The following SOX6 variants were observed in gnomAD, a reference collection of about 807,000 sequenced individuals.
SOX6 encodes SRY-box transcription factor 6, also known as transcription factor SOX-6.
A neutral mutation model predicts 97.8 loss-of-function variants in SOX6; 11 were observed. That is an observed-to-expected ratio of 0.11 (90% CI 0.07 to 0.19). SOX6 has a LOEUF of 0.19. Ranked by LOEUF, SOX6 falls within the 10% of genes least tolerant of loss-of-function variation. The probability of loss-of-function intolerance (pLI) is 1.00; values close to 1 mark genes in which losing one functional copy is unlikely to be tolerated. For synonymous variants in SOX6, 360 were observed against 371.4 expected, an observed-to-expected ratio of 0.97 and a Z score of 0.35; for missense variants, 810 against 1,039.5, an observed-to-expected ratio of 0.78 and a Z score of 3.04.
intron 1 of SOX6, among the ~76,000 whole-genome samples, chr11:16,366,993 A>G (rs1857376294): frequency 6.6e-6 from 1 of 152,208 alleles, no homozygotes; most frequent in Non-Finnish European, 1.5e-5. Flanking sequence ...AATGTTTAAG[A>G]TGACTGCTCA....
intron 1 of SOX6, among the ~76,000 whole-genome samples, chr11:16,372,678 G>A (rs1857522869): frequency 1.3e-5 from 2 of 152,068 alleles, no homozygotes; most frequent in Admixed American, 6.6e-5. Context: ...GAGAGGAATT[G>A]CAGAATAATT....
At chr11:16,213,781 A>G (rs916132066) in intron 4 of SOX6, among the ~76,000 whole-genome samples, 1 of 152,244 alleles carries the variant, frequency 6.6e-6, no homozygotes, top group Non-Finnish European at 1.5e-5. Context: ...AAGTAAAAAA[A>G]AATTATGAAC....
At chr11:16,077,907 A>G (rs1286842181) in intron 9 of SOX6, among the ~76,000 whole-genome samples, 2 of 152,104 alleles carry the variant, frequency 1.3e-5, no homozygotes, top group Non-Finnish European at 2.9e-5. Context: ...AACCCTTGTG[A>G]CATGCAATCT....
chr11:16,581,529 T>C (rs1176804690), intron 4 of SOX6, among the ~76,000 whole-genome samples: 1 of 152,092 alleles, frequency 6.6e-6, no homozygotes, highest in Non-Finnish European at 1.5e-5. Flanking sequence ...GGTTGAGAGG[T>C]GCAGCAAACT....
intron 3 of SOX6, among the ~76,000 whole-genome samples, chr11:16,625,494 C>G (rs918084454): frequency 2.0e-5 from 3 of 152,120 alleles, no homozygotes; most frequent in African/African-American, 7.2e-5. Context: ...TTCCTAACAA[C>G]AGAGTTCCTA....
In SOX6 at chr11:16,496,407, G is replaced by A. The variant is rs562061784; in HGVS notation, n.610-20019C>T. 1.8e-3 allele frequency among the ~76,000 whole-genome samples: 271 copies of A among 152,270 alleles called. 6 individuals carry two copies. The highest frequency in any genetic ancestry group is 2.2e-3 in the Non-Finnish European group (151 of 68,020). ...CCAGCGTGAGAAACGCAGAAGATGGGTGATTTCTGCATTTCCAACTGAGGT... is the reference window on the plus strand; with the variant it reads ...CCAGCGTGAGAAACGCAGAAGATGGATGATTTCTGCATTTCCAACTGAGGT... On this transcript the variant is annotated intron_variant and non_coding_transcript_variant, in intron 4 of 5. Transcript: ENST00000524520.
At chr11:16,488,431 A>G (rs747127680) in intron 4 of SOX6, among the ~76,000 whole-genome samples, 21 of 152,188 alleles carry the variant, frequency 1.4e-4, no homozygotes, top group Admixed American at 3.9e-4. Context: ...GGGATTTGAT[A>G]TATGAAAATG....
At chr11:16,617,948 G>T (rs912073894) in intron 3 of SOX6, among the ~76,000 whole-genome samples, 2 of 151,692 alleles carry the variant, frequency 1.3e-5, no homozygotes, top group Non-Finnish European at 3.0e-5. Context: ...TGAGAGATAG[G>T]TGCATTTGCT....
intron 6 of SOX6, among the ~76,000 whole-genome samples, chr11:16,150,209 A>C (rs552719050): frequency 6.6e-6 from 1 of 152,334 alleles, no homozygotes; most frequent in East Asian, 1.9e-4. Context: ...CATTAATTAC[A>C]TAGGTAAAAA....
At chr11:16,239,260 T>C (rs1853112942) in intron 3 of SOX6, among the ~76,000 whole-genome samples, 1 of 152,068 alleles carries the variant, frequency 6.6e-6, no homozygotes, top group African/African-American at 2.4e-5. Context: ...GAAGTCACTA[T>C]AACGTACAAA....
intron 3 of SOX6, among the ~76,000 whole-genome samples, chr11:16,263,943 T>C (rs1590074483): frequency 6.6e-6 from 1 of 152,040 alleles, no homozygotes; most frequent in South Asian, 2.1e-4. Context: ...ATAGTCAAAA[T>C]ACTGGTCCAA....
intron 3 of SOX6, among the ~76,000 whole-genome samples, chr11:16,284,554 C>T (rs931447354): frequency 6.6e-6 from 1 of 151,914 alleles, no homozygotes; most frequent in Non-Finnish European, 1.5e-5. Context: ...ATTTATTGAT[C>T]GCCTTTTATG....
At chr11:16,196,522 CTA>C (rs1388387252) in intron 4 of SOX6, among the ~76,000 whole-genome samples, 1 of 152,206 alleles carries the variant, frequency 6.6e-6, no homozygotes, top group African/African-American at 2.4e-5. Flanking sequence ...AGGGAATTAT[CTA>C]TGACACTCTA....
chr11:16,305,749 ATT>A (rs1246410152), intron 3 of SOX6, among the ~76,000 whole-genome samples: 1 of 152,162 alleles, frequency 6.6e-6, no homozygotes, highest in South Asian at 2.1e-4. Flanking sequence ...ACTTCTTAAA[ATT>A]TTGTTTGTAT....
At chr11:16,359,189 TTGTC>T (rs1857141401), upstream of SOX6, among the ~76,000 whole-genome samples, 1 of 151,986 alleles carries the variant, frequency 6.6e-6, no homozygotes, top group South Asian at 2.1e-4. Context: ...AACGAGAAGT[TTGTC>T]TGGTGGAACT....
intron 4 of SOX6, among the ~76,000 whole-genome samples, chr11:16,504,311 T>G (rs1860751802): frequency 6.6e-6 from 1 of 152,056 alleles, no homozygotes; most frequent in African/African-American, 2.4e-5. Context: ...TGTCCCTCTT[T>G]GCAGAGGACA....
At chr11:16,138,151 T>C (rs1024186550) in intron 6 of SOX6, among the ~76,000 whole-genome samples, 3 of 152,196 alleles carry the variant, frequency 2.0e-5, no homozygotes, top group African/African-American at 7.2e-5. Flanking sequence ...GTTCTACATA[T>C]AGAATTGCTT....
chr11:16,023,900 T>C (rs527568175), intron 12 of SOX6, among the ~76,000 whole-genome samples: 3 of 152,248 alleles, frequency 2.0e-5, no homozygotes, highest in African/African-American at 7.2e-5. Context: ...CCCAGTGAAA[T>C]AACTTCACGA....
chr11:16,024,226 T>C (rs1855151803), intron 12 of SOX6, among the ~76,000 whole-genome samples: 1 of 152,086 alleles, frequency 6.6e-6, no homozygotes. Flanking sequence ...GAAATGAACC[T>C]GCTAACACCT....
Sources: gnomAD v4.1 joint callset for allele counts (sites outside exome capture counted in the v4.1 genomes callset) on GRCh38, gnomAD v4.1.1 for gene constraint, MANE v1.5 for transcripts, NCBI Gene and HGNC (gene_info 2026-07-23, HGNC 2026-07-21) for gene names.